Variants in AKAP6 observed in about 807,000 individuals in gnomAD.
AKAP6 encodes A-kinase anchor protein 6.
A neutral mutation model predicts 188.5 loss-of-function variants in AKAP6; 58 were observed. The ratio of observed to expected loss-of-function variants is 0.31; its 90% CI spans 0.25 to 0.38. AKAP6 has a LOEUF of 0.38. Ranked by LOEUF, AKAP6 falls within the 10% of genes least tolerant of loss-of-function variation. The pLI, the probability that AKAP6 is intolerant of heterozygous loss-of-function variation, is 1.00. For synonymous variants in AKAP6, 989 were observed against 998.6 expected (o/e 0.99, Z 0.18); for missense variants, 2,710 against 2,740.0 (o/e 0.99, Z 0.24).
rs538586338 is a variant in AKAP6, at chr14:32,626,807, A to G, written c.2730+26015A>G. Among the ~76,000 whole-genome samples, 3 of 152,248 alleles carry G rather than the reference A, an allele frequency of 2.0e-5. No individual in the cohort carries two copies. The South Asian group carries it at 6.2e-4, about 32-fold the overall frequency. On this transcript the variant is annotated intron_variant, in intron 7 of 13. Coordinates refer to ENST00000280979, the MANE Select transcript of AKAP6 (RefSeq NM_004274.5). Reference sequence around the variant, plus strand: ...ATTGCTTCGGTGTGGTTTCTCACATATGTCATCCTATGATGTTCACTAGAT... The same window carrying G: ...ATTGCTTCGGTGTGGTTTCTCACATGTGTCATCCTATGATGTTCACTAGAT...
chr14:32,523,260 T>C (rs939316496), intron 2 of AKAP6, among the ~76,000 whole-genome samples: 4 of 152,096 alleles, frequency 2.6e-5, no homozygotes, highest in Admixed American at 2.0e-4. Flanking sequence ...CACACCAACA[T>C]GGCACATGTA....
chr14:32,785,899 T>TA (rs200367064), intron 12 of AKAP6, among the ~76,000 whole-genome samples: 68 of 151,638 alleles, frequency 4.5e-4, no homozygotes, highest in African/African-American at 8.9e-4. Flanking sequence ...GAATGTGATT[T>TA]AAAAAAAAAC....
intron 2 of AKAP6, among the ~76,000 whole-genome samples, chr14:32,493,179 A>G: frequency 6.6e-6 from 1 of 151,964 alleles, no homozygotes; most frequent in Non-Finnish European, 1.5e-5. Context: ...GAGGCTGAGA[A>G]TGGGCTCTAA....
intron 1 of AKAP6, among the ~76,000 whole-genome samples, chr14:32,430,577 A>AGCTT (rs1257096016): frequency 1.3e-4 from 20 of 152,102 alleles, no homozygotes; most frequent in Admixed American, 3.9e-4. Context: ...GTGTCAGTGT[A>AGCTT]GCTTAAACAG....
At chr14:32,342,719 G>A (rs1375430031) in intron 1 of AKAP6, among the ~76,000 whole-genome samples, 1 of 152,148 alleles carries the variant, frequency 6.6e-6, no homozygotes, top group Non-Finnish European at 1.5e-5. Flanking sequence ...AGCGCTGGAT[G>A]GAGACTCTAC....
Position 32,542,720 on chromosome 14 carries a change from C to T in AKAP6, c.577-2510C>T, listed in dbSNP as rs116841401. ...GAAAGTGAAAGCAGGATACTGTGGC[C>T]GCGTGTGGCCAGTGAGGGGAGAATA... On this transcript the variant is annotated intron_variant, in intron 3 of 13. Coordinates refer to ENST00000280979, the MANE Select transcript of AKAP6 (RefSeq NM_004274.5). Among the ~76,000 whole-genome samples the T allele has an allele frequency of 3.6e-3, 542 of 152,208 alleles. 4 individuals are homozygous for T. Among genetic ancestry groups the T allele is most frequent in the South Asian group, 0.026 (123 of 4,816 alleles).
intron 3 of AKAP6, among the ~76,000 whole-genome samples, chr14:32,540,160 C>CTATA (rs1313663279): frequency 6.3e-5 from 7 of 110,606 alleles, no homozygotes; most frequent in East Asian, 4.7e-4. Flanking sequence ...CTCTCTCTCT[C>CTATA]TCTCTCTCTA....
chr14:32,469,881 CAT>C (rs1463602957), intron 2 of AKAP6, among the ~76,000 whole-genome samples: 2 of 152,060 alleles, frequency 1.3e-5, no homozygotes, highest in Non-Finnish European at 2.9e-5. Context: ...GCATATATGA[CAT>C]ATTTTATCGC....
At chr14:32,672,177 A>C (rs1400542434) in intron 7 of AKAP6, among the ~76,000 whole-genome samples, 1 of 152,208 alleles carries the variant, frequency 6.6e-6, no homozygotes, top group Admixed American at 6.5e-5. Flanking sequence ...TAAATTATTA[A>C]GTATTAATTT....
At chr14:32,596,484 C>A (rs1184188889) in intron 5 of AKAP6, among the ~76,000 whole-genome samples, 1 of 152,174 alleles carries the variant, frequency 6.6e-6, no homozygotes, top group Non-Finnish European at 1.5e-5. Context: ...TTTCAGTCAT[C>A]ATGTTTTTCC....
chr14:32,675,184 C>A (rs1185001868), intron 7 of AKAP6, among the ~76,000 whole-genome samples: 1 of 152,102 alleles, frequency 6.6e-6, no homozygotes, highest in African/African-American at 2.4e-5. Flanking sequence ...ATAAATCCAG[C>A]CGATTTCTCC....
At chr14:32,601,121 A>G (rs1025815878) in intron 7 of AKAP6, among the ~76,000 whole-genome samples, 1 of 152,230 alleles carries the variant, frequency 6.6e-6, no homozygotes, top group Non-Finnish European at 1.5e-5. Context: ...ATGGTTTTAA[A>G]TTGTTTTGTT....
intron 7 of AKAP6, among the ~76,000 whole-genome samples, chr14:32,642,014 A>T (rs1475683822): frequency 2.0e-5 from 3 of 152,176 alleles, no homozygotes; most frequent in Non-Finnish European, 4.4e-5. Flanking sequence ...GTATAACATC[A>T]TTTACTTGGA....
At chr14:32,414,403 A>G (rs563218502) in intron 1 of AKAP6, among the ~76,000 whole-genome samples, 19 of 152,326 alleles carry the variant, frequency 1.2e-4, no homozygotes, top group Non-Finnish European at 2.1e-4. Flanking sequence ...CTGTGTAAGC[A>G]GGATTTCCTG....
intron 1 of AKAP6, among the ~76,000 whole-genome samples, chr14:32,353,143 A>G (rs1212804361): frequency 6.6e-6 from 1 of 152,192 alleles, no homozygotes; most frequent in Non-Finnish European, 1.5e-5. Context: ...CCTATAGAGA[A>G]CAGTGAAGCT....
At chr14:32,332,614 T>C (rs143314550) in intron 1 of AKAP6, among the ~76,000 whole-genome samples, 87 of 152,248 alleles carry the variant, frequency 5.7e-4, no homozygotes, top group African/African-American at 1.7e-3. Flanking sequence ...TCAGCTTTGT[T>C]ATAAACCTGT....
intron 7 of AKAP6, among the ~76,000 whole-genome samples, chr14:32,607,870 G>T (rs1034120026): frequency 6.6e-6 from 1 of 152,104 alleles, no homozygotes; most frequent in Non-Finnish European, 1.5e-5. Flanking sequence ...TACCTAGGGA[G>T]AACTCTTTCT....
rs188742403 is a variant in AKAP6, at chr14:32,385,496, G to A, written c.-34-47964G>A. On this transcript the variant is annotated intron_variant, in intron 1 of 13. Transcript: ENST00000280979. The stretch of plus-strand genomic sequence containing the variant: ...CTTTAGTGGTAATTTGTGAGATTTT[G>A]TTGCACCCATCACCCTAGCAGTATA... 9.1e-4 allele frequency among the ~76,000 whole-genome samples: 136 copies of A among 148,800 alleles called. 1 individual carries two copies. In the East Asian group the frequency reaches 0.023, roughly 25 times the overall value.
intron 9 of AKAP6, among the ~76,000 whole-genome samples, chr14:32,711,641 G>T (rs1216714390): frequency 6.6e-6 from 1 of 152,042 alleles, no homozygotes; most frequent in African/African-American, 2.4e-5. Flanking sequence ...GGCCAAAGAG[G>T]CTCAGATCTC....
Sources: allele counts gnomAD v4.1 joint callset (sites outside exome capture counted in the v4.1 genomes callset), GRCh38; gene constraint gnomAD v4.1.1; transcripts MANE v1.5; gene names NCBI Gene and HGNC (gene_info 2026-07-23, HGNC 2026-07-21).